Variants in DPP6 observed in about 807,000 individuals in gnomAD.
The protein encoded by DPP6 is dipeptidyl peptidase like 6.
Under a neutral mutation model 122.6 loss-of-function variants are expected in DPP6, and 69 were observed. The ratio of observed to expected loss-of-function variants is 0.56; its 90% CI spans 0.46 to 0.69. The LOEUF is 0.69. Among genes scored for constraint, DPP6 ranks in the 30% least tolerant of loss-of-function variants. The pLI is 0.00. For missense variants in DPP6, 928 were observed against 1,116.9 expected (o/e 0.83, Z 2.41); for synonymous variants, 418 against 433.1 (o/e 0.97, Z 0.43).
intron 11 of DPP6, among the ~76,000 whole-genome samples, chr7:154,795,029 C>T (rs1195792945): frequency 6.6e-6 from 1 of 152,076 alleles, no homozygotes; most frequent in East Asian, 1.9e-4. Flanking sequence ...CTAAGGTGGT[C>T]AGTCTTGCCT....
chr7:154,594,925 G>A (rs755819535), intron 5 of DPP6, among the ~76,000 whole-genome samples: 1 of 152,160 alleles, frequency 6.6e-6, no homozygotes, highest in South Asian at 2.1e-4. Flanking sequence ...CTGGCTCCCA[G>A]ACCCAGGCCA....
chr7:153,944,337 C>T (rs146732641), intron 1 of DPP6, among the ~76,000 whole-genome samples: 162 of 152,268 alleles, frequency 1.1e-3, no homozygotes, highest in African/African-American at 3.8e-3. Flanking sequence ...TCACCCGAGG[C>T]GTGTGCTTGG....
chr7:154,659,815 G>A (rs942045900), intron 6 of DPP6, among the ~76,000 whole-genome samples: 2 of 152,202 alleles, frequency 1.3e-5, no homozygotes, highest in Non-Finnish European at 2.9e-5. Context: ...AGATTGAGAG[G>A]TTGAGAGAGT....
In DPP6 at chr7:154,521,053, T is replaced by C. The variant is rs573963563; in HGVS notation, c.458-19479T>C. 2.5e-4 allele frequency among the ~76,000 whole-genome samples: 38 copies of C among 152,312 alleles called. No homozygotes were observed. In the South Asian group the frequency reaches 7.9e-3, roughly 32 times the overall value. ...GCTCTAAGTGAGGTTTTTTAAATAA[T>C]AGAATCATCATAATCCCTTTAGAGA... On this transcript the variant is annotated intron_variant, in intron 3 of 25. Coordinates refer to ENST00000377770, the MANE Select transcript of DPP6 (RefSeq NM_130797.4).
chr7:153,903,041 C>T (rs1799704025), intron 1 of DPP6, among the ~76,000 whole-genome samples: 1 of 152,198 alleles, frequency 6.6e-6, no homozygotes, highest in Non-Finnish European at 1.5e-5. Context: ...GAACTGGAGC[C>T]TGTCCCAGGC....
intron 4 of DPP6, among the ~76,000 whole-genome samples, chr7:154,564,668 G>T (rs1830629977): frequency 6.6e-6 from 1 of 152,142 alleles, no homozygotes; most frequent in African/African-American, 2.4e-5. Context: ...TTTATAGAAA[G>T]AGCTCACTAG....
intron 7 of DPP6, among the ~76,000 whole-genome samples, chr7:154,718,558 C>T (rs1049147684): frequency 2.0e-5 from 3 of 151,890 alleles, no homozygotes; most frequent in Admixed American, 6.6e-5. Context: ...CACACCCCCC[C>T]CAACTTTAGT....
At chr7:154,035,404 A>G (rs1360982904) in intron 1 of DPP6, among the ~76,000 whole-genome samples, 2 of 152,260 alleles carry the variant, frequency 1.3e-5, no homozygotes, top group African/African-American at 2.4e-5. Context: ...TAAATTATAT[A>G]AATCATTCTA....
the DPP6 span, among the ~76,000 whole-genome samples, chr7:153,840,956 CTG>C: frequency 1.3e-5 from 2 of 152,186 alleles, no homozygotes; most frequent in African/African-American, 4.8e-5. Context: ...GCAGTCAACT[CTG>C]TGTCCAGTTC....
intron 16 of DPP6, among the ~76,000 whole-genome samples, chr7:154,839,954 G>C (rs1190089691): frequency 6.6e-6 from 1 of 152,184 alleles, no homozygotes; most frequent in African/African-American, 2.4e-5. Context: ...GGACAGCGCT[G>C]AGGACATTAG....
chr7:154,352,534 A>T (rs1479729869), intron 1 of DPP6, among the ~76,000 whole-genome samples: 1 of 152,230 alleles, frequency 6.6e-6, no homozygotes, highest in Non-Finnish European at 1.5e-5. Context: ...AGGGACATGG[A>T]TGAAGCTGGA....
At chr7:154,543,956 T>C (rs916207594) in intron 4 of DPP6, among the ~76,000 whole-genome samples, 1 of 122,980 alleles carries the variant, frequency 8.1e-6, no homozygotes, top group African/African-American at 3.2e-5. Context: ...ATCGTTCCAC[T>C]ACACGCCAGC....
In DPP6 at chr7:154,570,724, G is replaced by T. The variant is rs142558706; in HGVS notation, c.627+3808G>T. On this transcript the variant is annotated intron_variant, in intron 5 of 25. Transcript: ENST00000377770. ...TATTACTAAATGTATAGCTTGGCTA[G>T]CATCCTTGAACATACACAAGTTAGC... 9.9e-5 allele frequency among the ~76,000 whole-genome samples: 15 copies of T among 152,272 alleles called. No homozygotes were observed. The East Asian group carries it at 2.9e-3, about 29-fold the overall frequency.
At chr7:154,518,091 A>G (rs981145316) in intron 3 of DPP6, among the ~76,000 whole-genome samples, 4 of 152,220 alleles carry the variant, frequency 2.6e-5, no homozygotes, top group African/African-American at 9.6e-5. Context: ...ACTCGTAAAA[A>G]CAATGTCTTG....
At chr7:154,890,631 T>A (rs912834793) in intron 25 of DPP6, 2 of 152,208 alleles carry the variant, frequency 1.3e-5, no homozygotes, top group Non-Finnish European at 2.9e-5. Context: ...CCTGCATCGC[T>A]GCAGGCTCCA....
intron 17 of DPP6, among the ~76,000 whole-genome samples, chr7:154,856,983 G>A (rs928533762): frequency 2.1e-4 from 32 of 152,232 alleles, no homozygotes; most frequent in Admixed American, 5.2e-4. Context: ...GAAACTGGAC[G>A]GCGTTTAGAA....
intron 1 of DPP6, among the ~76,000 whole-genome samples, chr7:154,326,130 A>G (rs1808426831): frequency 6.6e-6 from 1 of 152,212 alleles, no homozygotes; most frequent in Admixed American, 6.5e-5. Context: ...GCAAATGTTG[A>G]TCAATTAACT....
chr7:154,032,496 C>G (rs1799295411), intron 1 of DPP6, among the ~76,000 whole-genome samples: 1 of 152,170 alleles, frequency 6.6e-6, no homozygotes, highest in African/African-American at 2.4e-5. Context: ...ACTAGTTTAT[C>G]TAAGCCCAGA....
intron 1 of DPP6, among the ~76,000 whole-genome samples, chr7:154,361,633 G>T (rs560049834): frequency 9.5e-4 from 144 of 151,210 alleles, no homozygotes; most frequent in African/African-American, 3.2e-3. Flanking sequence ...AAGAATTGGG[G>T]TCATAGGGAC....
Sources: allele counts gnomAD v4.1 joint callset (sites outside exome capture counted in the v4.1 genomes callset), GRCh38; gene constraint gnomAD v4.1.1; transcripts MANE v1.5; gene names NCBI Gene and HGNC (gene_info 2026-07-23, HGNC 2026-07-21).